Variants in YIPF4 observed in about 807,000 individuals in gnomAD.
YIPF4 encodes protein YIPF4.
YIPF4 carries 18 observed loss-of-function variants against 29.4 expected under a neutral mutation model. The ratio of observed to expected loss-of-function variants is 0.61; its 90% CI spans 0.42 to 0.91. The LOEUF (loss-of-function observed/expected upper bound fraction) is 0.91. Ranked by LOEUF, YIPF4 falls within the 40% of genes least tolerant of loss-of-function variation. The probability of loss-of-function intolerance (pLI) is 0.00; values close to 1 mark genes in which losing one functional copy is unlikely to be tolerated. For synonymous variants in YIPF4, 115 were observed against 104.7 expected (o/e 1.10, Z -0.60); for missense variants, 279 against 282.7 (o/e 0.99, Z 0.09).
At chr2:32,301,558 TCTAG>T in intron 5 of YIPF4, 63 bp downstream of exon 5, 1 of 1,110,242 alleles carries the variant, frequency 9.0e-7, no homozygotes, top group Non-Finnish European at 1.3e-6. Flanking sequence ...ATACTAGGCC[TCTAG>T]CTAGGAATAT....
chr2:32,305,643 A>C lies in YIPF4; in HGVS notation c.*17A>C. 1 of 1,541,860 alleles carries C rather than the reference A, an allele frequency of 6.5e-7. No individual in the cohort carries two copies. Among genetic ancestry groups the C allele is most frequent in the Non-Finnish European group, 8.7e-7 (1 of 1,147,492 alleles). Reference sequence around the variant, plus strand: ...GGTGTGTGATCCAAGTTATACATGAATAGAAAAAGATGGTGTTAAATTTGT... The same window carrying C: ...GGTGTGTGATCCAAGTTATACATGACTAGAAAAAGATGGTGTTAAATTTGT... On this transcript the variant is annotated 3_prime_UTR_variant, in exon 6 of 6. Transcript: ENST00000238831.
rs2031834106 is a variant in YIPF4 at position 32,316,357 on chromosome 2, A to G, written c.*10731A>G. ...AAAAGACCAACTAATATATGTAAAG[A>G]TGCACAAATTCATTCATGATTAAAT... On this transcript the variant is annotated 3_prime_UTR_variant, in exon 6 of 6. Coordinates refer to ENST00000238831, the MANE Select transcript of YIPF4 (RefSeq NM_032312.4). 1.3e-5 allele frequency: 2 copies of G among 152,214 alleles called. No homozygotes were observed. The highest frequency in any genetic ancestry group is 4.1e-4 in the South Asian group (2 of 4,832). 9.4% of individuals were successfully genotyped at this position (152,214 alleles called of 1,614,324 possible).
chr2:32,314,764 T>G lies in YIPF4; in HGVS notation c.*9138T>G, dbSNP rs2031788961. 1 of 152,214 alleles carries G rather than the reference T, an allele frequency of 6.6e-6. No homozygotes were observed. The highest frequency in any genetic ancestry group is 1.5e-5 in the Non-Finnish European group (1 of 68,040). The allele number at this position is 152,214 out of a possible 1,614,324, so 9.4% of individuals were successfully genotyped here. Reference sequence around the variant, plus strand: ...GTAATAAACAGAATAGTTTTGGCATTCAACAAACATTGGCTGTTATTATAT... The same window carrying G: ...GTAATAAACAGAATAGTTTTGGCATGCAACAAACATTGGCTGTTATTATAT... On this transcript the variant is annotated 3_prime_UTR_variant, in exon 6 of 6. Transcript: ENST00000238831.
intron 5 of YIPF4, among the ~76,000 whole-genome samples, chr2:32,301,813 C>T (rs2031414510): frequency 6.6e-6 from 1 of 151,924 alleles, no homozygotes; most frequent in Non-Finnish European, 1.5e-5. Flanking sequence ...TCATGTGATT[C>T]TCCTGCCTCA....
At chr2:32,293,649 A>T (rs575766670) in intron 3 of YIPF4, among the ~76,000 whole-genome samples, 205 of 151,794 alleles carry the variant, frequency 1.4e-3, no homozygotes, top group African/African-American at 4.8e-3. Context: ...GGGGCTCCTC[A>T]CTTCCCAGTA....
At chr2:32,296,437 C>T (rs2031185128) in intron 3 of YIPF4, among the ~76,000 whole-genome samples, 1 of 150,978 alleles carries the variant, frequency 6.6e-6, no homozygotes. Context: ...CGCCACTGCA[C>T]TCCAGCCTGG....
At chr2:32,292,564 A>G (rs565905755) in intron 3 of YIPF4, among the ~76,000 whole-genome samples, 1 of 152,272 alleles carries the variant, frequency 6.6e-6, no homozygotes, top group African/African-American at 2.4e-5. Context: ...ATTCACATAG[A>G]AAGTATTAGT....
chr2:32,285,410 G>A (rs550947784), intron 1 of YIPF4, among the ~76,000 whole-genome samples: 25 of 152,230 alleles, frequency 1.6e-4, no homozygotes, highest in African/African-American at 5.8e-4. Context: ...TCAATATATT[G>A]CATTTCAACC....
At position 32,311,655 on chromosome 2, in the gene YIPF4, G is replaced by GA. The variant is rs2031717930; in HGVS notation, c.*6035dup. On this transcript the variant is annotated 3_prime_UTR_variant, in exon 6 of 6. Coordinates refer to ENST00000238831, the MANE Select transcript of YIPF4 (RefSeq NM_032312.4). ...GTATATACAAGTTGTTAATACTTAC[G>GA]AAAAAAGGAAGCATTCCCACCTGTA... 1 of 151,954 alleles carries GA rather than the reference G, an allele frequency of 6.6e-6. No homozygotes were observed. Among genetic ancestry groups the GA allele is most frequent in the Admixed American group, 6.6e-5 (1 of 15,264 alleles). 9.4% of individuals were successfully genotyped at this position (151,954 alleles called of 1,614,324 possible).
intron 5 of YIPF4, among the ~76,000 whole-genome samples, chr2:32,303,809 A>T (rs2031485874): frequency 6.6e-6 from 1 of 152,192 alleles, no homozygotes; most frequent in African/African-American, 2.4e-5. Flanking sequence ...CATTATTAGA[A>T]CTTAGTTTAA....
At position 32,303,129 on chromosome 2, in the gene YIPF4, C is replaced by T. The variant is rs2148967404; in HGVS notation, c.597+1634C>T. Among the ~76,000 whole-genome samples the T allele has an allele frequency of 2.0e-5, 3 of 152,252 alleles. No homozygotes were observed. In the South Asian group the frequency reaches 6.2e-4, roughly 32 times the overall value. On this transcript the variant is annotated intron_variant, in intron 5 of 5. Coordinates refer to ENST00000238831, the MANE Select transcript of YIPF4 (RefSeq NM_032312.4). ...CCTATAATCCCAGCACTTTGGGAGG[C>T]TGAGGCGAATGGATTACTTGAGCTC...
chr2:32,310,241 A>G lies in YIPF4; in HGVS notation c.*4615A>G, dbSNP rs891097256. The G allele has an allele frequency of 6.6e-6, 1 of 152,114 alleles. No individual in the cohort carries two copies. Among genetic ancestry groups the G allele is most frequent in the Non-Finnish European group, 1.5e-5 (1 of 68,014 alleles). The allele number at this position is 152,114 out of a possible 1,614,324, so 9.4% of individuals were successfully genotyped here. A position where few individuals can be genotyped will look rare whatever the true frequency, so the allele number is the denominator to read the frequency against. On this transcript the variant is annotated 3_prime_UTR_variant, in exon 6 of 6. Coordinates refer to ENST00000238831, the MANE Select transcript of YIPF4 (RefSeq NM_032312.4). ...CCAGGCATGGTGGCTCATGCCTGTA[A>G]TCCCAGAACTTTGGGAGGCCATGGC... is the stretch of plus-strand genomic sequence containing the variant.
intron 1 of YIPF4, among the ~76,000 whole-genome samples, chr2:32,280,575 G>GTTTT (rs1415721818): frequency 3.3e-5 from 5 of 151,946 alleles, no homozygotes; most frequent in African/African-American, 4.8e-5. Flanking sequence ...GTAGAGACGG[G>GTTTT]GTTTCACTGT....
At chr2:32,289,557 T>C (rs549890493) in intron 1 of YIPF4, among the ~76,000 whole-genome samples, 10 of 152,320 alleles carry the variant, frequency 6.6e-5, no homozygotes, top group African/African-American at 1.9e-4. Flanking sequence ...ACTGACAGTA[T>C]TGATGGTTGT....
intron 5 of YIPF4, among the ~76,000 whole-genome samples, chr2:32,304,316 GAA>G (rs992730178): frequency 1.3e-5 from 2 of 151,392 alleles, no homozygotes; most frequent in Admixed American, 6.6e-5. Context: ...CATTTATAAT[GAA>G]AAAAATCTAA....
At position 32,316,044 on chromosome 2, in the gene YIPF4, A is replaced by C. The variant is rs1471108408; in HGVS notation, c.*10418A>C. ...AAAAAGGAAAAAAAAAAAAAAACCA[A>C]AAAAAAAAAAAAAGTATAAAGCACA... On this transcript the variant is annotated 3_prime_UTR_variant, in exon 6 of 6. Transcript: ENST00000238831. The C allele has an allele frequency of 1.4e-5, 2 of 141,508 alleles. No homozygotes were observed. The highest frequency in any genetic ancestry group is 5.3e-5 in the African/African-American group (2 of 37,864). 8.8% of individuals were successfully genotyped at this position (141,508 alleles called of 1,614,324 possible).
intron 1 of YIPF4, among the ~76,000 whole-genome samples, chr2:32,289,025 T>C (rs771651870): frequency 6.6e-6 from 1 of 152,144 alleles, no homozygotes; most frequent in Admixed American, 6.5e-5. Context: ...AAATTCCACC[T>C]CTCTCATTTC....
At position 32,312,171 on chromosome 2, in the gene YIPF4, TTAA is replaced by T. The variant is rs2031726773; in HGVS notation, c.*6549_*6551del. On this transcript the variant is annotated 3_prime_UTR_variant, in exon 6 of 6. Coordinates refer to ENST00000238831, the MANE Select transcript of YIPF4 (RefSeq NM_032312.4). ...TCAATCTTTTTTTACCAAATGGTAC[TTAA>T]TAAAATCTTTTACCTTATAAAAATC... 2 of 152,264 alleles carry T rather than the reference TTAA, an allele frequency of 1.3e-5. No homozygotes were observed. The highest frequency in any genetic ancestry group is 4.1e-4 in the South Asian group (2 of 4,826). The allele number at this position is 152,264 out of a possible 1,614,324, so 9.4% of individuals were successfully genotyped here.
rs184795781 is a variant in YIPF4, at chr2:32,279,021, G to A, written c.79+787G>A. Among the ~76,000 whole-genome samples the A allele has an allele frequency of 1.3e-3, 203 of 151,406 alleles. 1 individual carries two copies. The highest frequency in any genetic ancestry group is 4.8e-3 in the African/African-American group (198 of 41,202). ...TGAGCTCTGTCGCCCAGGCTGGAGT[G>A]CAGTGGCGCGATCTCGGCTCACTGC... is the stretch of plus-strand genomic sequence containing the variant. On this transcript the variant is annotated intron_variant, in intron 1 of 5. Transcript: ENST00000238831.
Sources: gnomAD v4.1 joint callset for allele counts (sites outside exome capture counted in the v4.1 genomes callset) on GRCh38, gnomAD v4.1.1 for gene constraint, MANE v1.5 for transcripts, NCBI Gene and HGNC (gene_info 2026-07-23, HGNC 2026-07-21) for gene names.